Variants in PTPRO observed in about 807,000 individuals in gnomAD.
PTPRO encodes the protein receptor-type tyrosine-protein phosphatase O.
Under a neutral mutation model 145.2 loss-of-function variants are expected in PTPRO, and 62 were observed. The ratio of observed to expected loss-of-function variants is 0.43; its 90% confidence interval spans 0.35 to 0.53. The LOEUF (loss-of-function observed/expected upper bound fraction) is 0.53, where lower values mean the gene tolerates loss of function less well. PTPRO is among the 20% of genes least tolerant of loss of function. The pLI, the probability that PTPRO is intolerant of heterozygous loss-of-function variation, is 0.01. For synonymous variants in PTPRO, 565 were observed against 514.7 expected, an observed-to-expected ratio of 1.10 and a Z score of -1.32; for missense variants, 1,345 against 1,482.7, an observed-to-expected ratio of 0.91 and a Z score of 1.53.
At chr12:15,444,974 C>T (rs1293837057) in intron 1 of PTPRO, among the ~76,000 whole-genome samples, 1 of 152,034 alleles carries the variant, frequency 6.6e-6, no homozygotes, top group African/African-American at 2.4e-5. Context: ...TCAATGGGTT[C>T]TATAATTAGC....
chr12:15,385,598 G>A (rs1938998633), intron 1 of PTPRO, among the ~76,000 whole-genome samples: 1 of 152,098 alleles, frequency 6.6e-6, no homozygotes, highest in African/African-American at 2.4e-5. Context: ...GCAGATCTGA[G>A]GTCAGGAGAT....
intron 18 of PTPRO, among the ~76,000 whole-genome samples, chr12:15,567,006 A>G (rs1435473553): frequency 6.6e-6 from 1 of 152,216 alleles, no homozygotes; most frequent in African/African-American, 2.4e-5. Context: ...GGCAGAGACT[A>G]GAGCATTTAG....
chr12:15,426,350 T>A (rs180765800), intron 1 of PTPRO, among the ~76,000 whole-genome samples: 43 of 152,154 alleles, frequency 2.8e-4, no homozygotes, highest in Non-Finnish European at 4.6e-4. Flanking sequence ...GTCATATCCG[T>A]GAAAATTGTT....
chr12:15,516,973 CA>C lies in PTPRO; in HGVS notation c.1779+19del, dbSNP rs1224819708. On this transcript the variant is annotated intron_variant, in intron 9 of 26. Transcript: ENST00000281171. ...GCATCCGTGGTAATCTTCCCTTAAC[CA>C]ACTGTCAGTCTTTCCTATGGGAACA... 6.3e-7 allele frequency: 1 copy of C among 1,598,788 alleles called. No homozygotes were observed. The highest frequency in any genetic ancestry group is 8.6e-7 in the Non-Finnish European group (1 of 1,166,018).
chr12:15,578,940 C>A lies in PTPRO; in HGVS notation c.2917C>A (p.Pro973Thr). The A allele has an allele frequency of 1.3e-6, 2 of 1,578,920 alleles. No homozygotes were observed. Among genetic ancestry groups the A allele is most frequent in the Non-Finnish European group, 1.7e-6 (2 of 1,148,072 alleles). ...TAAAAACCGTTACACAAACATCCTA[C>A]CATGTAAGATCGTCAATTGTGCCAA... ...RCKNRYTNIL[P>T]YDFSRVRLVS... Residue 973 changes from proline (P) to threonine (T), a missense_variant, in exon 20 of 27, where the codon CCA becomes ACA. By Grantham distance (38) the Pro-to-Thr change is conservative (BLOSUM62 -1). This residue lies in a region of PTPRO where 1,130 missense variants were observed against 1,214.7 expected (regional missense o/e 0.93). Coordinates refer to ENST00000281171, the MANE Select transcript of PTPRO (RefSeq NM_030667.3).
At chr12:15,517,392 T>G (rs749066726) in intron 9 of PTPRO, among the ~76,000 whole-genome samples, 14 of 152,216 alleles carry the variant, frequency 9.2e-5, no homozygotes, top group Non-Finnish European at 2.1e-4. Context: ...GAATTCAAGA[T>G]GAGATTTGGG....
chr12:15,581,031 A>G (rs544647461), intron 22 of PTPRO, among the ~76,000 whole-genome samples, 200 bp downstream of exon 22: 3 of 152,344 alleles, frequency 2.0e-5, no homozygotes, highest in Admixed American at 1.3e-4. Flanking sequence ...TCTAAAGGAA[A>G]AAAGAGAAGG....
intron 23 of PTPRO, among the ~76,000 whole-genome samples, chr12:15,582,536 C>T (rs1422736764): frequency 3.3e-5 from 5 of 152,152 alleles, no homozygotes; most frequent in African/African-American, 1.2e-4. Context: ...TAGTTCATCT[C>T]GAATTAGCTC....
rs1460940147 is a variant in PTPRO, at chr12:15,597,313, A to G, written c.*1240A>G. 1 of 152,188 alleles carries G rather than the reference A, an allele frequency of 6.6e-6. No homozygotes were observed. Among genetic ancestry groups the G allele is most frequent in the Non-Finnish European group, 1.5e-5 (1 of 68,036 alleles). The allele number at this position is 152,188 out of a possible 1,614,324, so 9.4% of individuals were successfully genotyped here. On this transcript the variant is annotated 3_prime_UTR_variant, in exon 27 of 27. Coordinates refer to ENST00000281171, the MANE Select transcript of PTPRO (RefSeq NM_030667.3). ...GTTACTTTGTGTCACTTCCTGATAA[A>G]TAAGAGGTGATGACATGGATATACA...
At chr12:15,435,114 G>T (rs1940558963) in intron 1 of PTPRO, among the ~76,000 whole-genome samples, 1 of 152,132 alleles carries the variant, frequency 6.6e-6, no homozygotes, top group South Asian at 2.1e-4. Flanking sequence ...TCACTATCAT[G>T]TATGAAGCAT....
rs1942686965 is a variant in PTPRO at position 15,520,236 on chromosome 12, C to T, written c.1815C>T (p.Asn605=). The T allele has an allele frequency of 6.2e-7, 1 of 1,613,926 alleles. No individual in the cohort carries two copies. The highest frequency in any genetic ancestry group is 1.7e-5 in the Admixed American group (1 of 60,020). The change falls in exon 10 of 27, where the codon AAC becomes AAT. Residue 605 remains asparagine, a synonymous_variant. Transcript: ENST00000281171. ...ATCTGCTGCCAGCATGGTACTACAA[C>T]TTCCGGGTTACCATGGTGACGTGGG... ...IANLLPAWYY[N]FRVTMVTWGD...
At chr12:15,513,870 T>C (rs1025911253) in intron 7 of PTPRO, among the ~76,000 whole-genome samples, 1 of 152,182 alleles carries the variant, frequency 6.6e-6, no homozygotes, top group Non-Finnish European at 1.5e-5. Flanking sequence ...GTAACCAAGG[T>C]AAGAATTTTA....
chr12:15,596,152 T>C lies in PTPRO; in HGVS notation c.*79T>C, dbSNP rs1161573074. On this transcript the variant is annotated 3_prime_UTR_variant, in exon 27 of 27. Transcript: ENST00000281171. ...AGATTGTTTTAGTGGGCCCTGATGG[T>C]CATTTTTCTAAACAGAGGCCCTGCT... The C allele has an allele frequency of 1.3e-5, 2 of 152,556 alleles. No homozygotes were observed. The highest frequency in any genetic ancestry group is 1.9e-4 in the East Asian group (1 of 5,186). 9.5% of individuals were successfully genotyped at this position (152,556 alleles called of 1,614,324 possible).
chr12:15,443,098 A>G (rs537595901), intron 1 of PTPRO, among the ~76,000 whole-genome samples: 76 of 152,354 alleles, frequency 5.0e-4, no homozygotes, highest in African/African-American at 1.7e-3. Context: ...GTACCAAAAC[A>G]GCATGGTACT....
intron 1 of PTPRO, among the ~76,000 whole-genome samples, chr12:15,436,481 C>G (rs1180675895): frequency 6.6e-6 from 1 of 152,124 alleles, no homozygotes; most frequent in Non-Finnish European, 1.5e-5. Flanking sequence ...AGTAGAGCCC[C>G]AGTATGTGAG....
intron 1 of PTPRO, among the ~76,000 whole-genome samples, chr12:15,450,258 G>A (rs1035498874): frequency 4.6e-5 from 7 of 152,220 alleles, no homozygotes; most frequent in African/African-American, 1.4e-4. Flanking sequence ...TTTGTACTAT[G>A]AGGAATTTAC....
intron 5 of PTPRO, 83 bp from the exon 6 acceptor site, chr12:15,503,825 T>G (rs1942267773): frequency 3.4e-6 from 4 of 1,161,982 alleles, no homozygotes; most frequent in Non-Finnish European, 4.9e-6. Flanking sequence ...ACACCTAATT[T>G]TTTTTCATTA....
chr12:15,591,642 A>T (rs1944555620), intron 25 of PTPRO, among the ~76,000 whole-genome samples: 1 of 152,076 alleles, frequency 6.6e-6, no homozygotes, highest in Non-Finnish European at 1.5e-5. Flanking sequence ...CCGCGGACAC[A>T]GCCTTTTTAA....
intron 12 of PTPRO, among the ~76,000 whole-genome samples, chr12:15,542,307 A>G (rs1186511005): frequency 6.6e-6 from 1 of 152,220 alleles, no homozygotes; most frequent in Non-Finnish European, 1.5e-5. Context: ...CCACACATAA[A>G]ATATGCTAAC....
Sources: allele counts gnomAD v4.1 joint callset (sites outside exome capture counted in the v4.1 genomes callset), GRCh38; gene constraint gnomAD v4.1.1; regional missense constraint gnomAD v4.1.1; transcripts MANE v1.5; gene names NCBI Gene and HGNC (gene_info 2026-07-23, HGNC 2026-07-21).